MEI1: variants seen among roughly 807,000 people sequenced by gnomAD.
MEI1 encodes meiotic double-stranded break formation protein 1.
Under a neutral mutation model 146.2 loss-of-function variants are expected in MEI1, and 103 were observed. That is an observed-to-expected ratio of 0.70 (90% CI 0.60 to 0.83). The LOEUF (loss-of-function observed/expected upper bound fraction) is 0.83, where lower values mean the gene tolerates loss of function less well. Among genes scored for constraint, MEI1 ranks in the 40% least tolerant of loss-of-function variants. The pLI is 0.00. For missense variants in MEI1, 1,529 were observed against 1,533.0 expected, an observed-to-expected ratio of 1.00 and a Z score of 0.04; for synonymous variants, 652 against 628.2, an observed-to-expected ratio of 1.04 and a Z score of -0.57.
intron 3 of MEI1, among the ~76,000 whole-genome samples, chr22:41,711,372 C>A (rs747495875): frequency 1.3e-5 from 2 of 152,056 alleles, no homozygotes; most frequent in Non-Finnish European, 2.9e-5. Context: ...ACGATTTCAC[C>A]GTGTTAGCCA....
rs1423078006 is a variant in MEI1, at chr22:41,758,402, G to A, written c.1989G>A (p.Leu663=). ...SAVSELLQHG[L]PQISSRSPES... is the part of the protein sequence containing the mutation. ...TGTCTGAGCTCCTGCAGCATGGGCT[G>A]CCCCAGATAAGCAGCAGGAGCCCTG... Residue 663 remains leucine, a synonymous_variant, in exon 18 of 31, where the codon CTG becomes CTA. Transcript: ENST00000401548. 6.2e-7 allele frequency: 1 copy of A among 1,613,834 alleles called. No individual in the cohort carries two copies. Among genetic ancestry groups the A allele is most frequent in the East Asian group, 2.2e-5 (1 of 44,866 alleles).
chr22:41,706,219 A>G (rs533728554), intron 3 of MEI1, among the ~76,000 whole-genome samples: 6 of 151,874 alleles, frequency 4.0e-5, no homozygotes, highest in South Asian at 2.1e-4. Context: ...GGGACTTACC[A>G]TATTGACTAG....
chr22:41,719,218 G>A lies in MEI1; in HGVS notation c.733+944G>A, dbSNP rs186397615. 5.9e-3 allele frequency among the ~76,000 whole-genome samples: 901 copies of A among 152,002 alleles called. 27 individuals are homozygous for A. Among genetic ancestry groups the A allele is most frequent in the Admixed American group, 0.053 (808 of 15,238 alleles). ...AGGATGGTCTCGATCTCCTGACCTC[G>A]TGATCCACCCGCCTTGGCTCCCAAA... On this transcript the variant is annotated intron_variant, in intron 6 of 30. Transcript: ENST00000401548.
intron 5 of MEI1, among the ~76,000 whole-genome samples, chr22:41,716,399 G>A (rs1331588472): frequency 1.9e-5 from 2 of 104,200 alleles, no homozygotes; most frequent in African/African-American, 3.9e-5. Context: ...TTTTTGAGAC[G>A]GAGTCTTGCT....
intron 1 of MEI1, 65 bp from the exon 2 acceptor site, chr22:41,703,266 G>T: frequency 6.5e-7 from 1 of 1,548,854 alleles, no homozygotes; most frequent in South Asian, 1.2e-5. Flanking sequence ...TGGAAATTAC[G>T]GTTGTTGGAT....
At chr22:41,779,048 C>T (rs1298699243) in intron 22 of MEI1, among the ~76,000 whole-genome samples, 1 of 151,934 alleles carries the variant, frequency 6.6e-6, no homozygotes, top group Non-Finnish European at 1.5e-5. Context: ...ATTATGAGGC[C>T]AGGGGGGTGC....
Position 41,795,838 on chromosome 22 carries a change from A to G in MEI1, c.3770A>G (p.Gln1257Arg). ...PSTSSGQPPLQDMLCLGGVAV... is the reference protein window; with the variant it reads ...PSTSSGQPPLRDMLCLGGVAV... ...ACCTCCTCAGGCCAGCCACCCCTGC[A>G]GGACATGCTGTATCCTTTCTTGCAT... The change falls in exon 30 of 31, where the codon CAG becomes CGG. Residue 1257 changes from glutamine to arginine, a missense_variant. Transcript: ENST00000401548. This position sits in a 1 kb window ranked among gnomAD's most constrained non-coding sequence, Gnocchi z 4.2. 6.2e-7 allele frequency: 1 copy of G among 1,613,570 alleles called. No individual in the cohort carries two copies. Among genetic ancestry groups the G allele is most frequent in the East Asian group, 2.2e-5 (1 of 44,806 alleles).
At chr22:41,729,824 G>A (rs2147549917) in intron 8 of MEI1, 45 bp downstream of exon 8, 12 of 1,297,104 alleles carry the variant, frequency 9.3e-6, no homozygotes, top group East Asian at 2.5e-5. Context: ...CTAGAAGGAT[G>A]GGGTGGTGAC....
At chr22:41,726,521 G>A (rs2071371830) in intron 7 of MEI1, among the ~76,000 whole-genome samples, 1 of 152,070 alleles carries the variant, frequency 6.6e-6, no homozygotes, top group Non-Finnish European at 1.5e-5. Context: ...CTTCAAAAAA[G>A]AATATTTATT....
intron 3 of MEI1, among the ~76,000 whole-genome samples, chr22:41,710,237 C>G (rs947992960): frequency 6.6e-6 from 1 of 152,124 alleles, no homozygotes; most frequent in African/African-American, 2.4e-5. Flanking sequence ...AGAGAGGCCT[C>G]AGAAGAAACC....
Position 41,730,598 on chromosome 22 carries a change from G to C in MEI1, c.1057G>C (p.Glu353Gln). Residue 353 changes from glutamate to glutamine, a missense_variant, in exon 9 of 31, where the codon GAA (glutamate) becomes CAA (glutamine). By Grantham distance (29) the Glu-to-Gln change is conservative. Transcript: ENST00000401548. ...CTGTAACTGCTTGACACTCCTGGTA[G>C]AAGAGCCACTCTTTTTTTCCAAGTG... is the stretch of plus-strand genomic sequence containing the variant. ...SSCNCLTLLV[E>Q]EPLFFSKCHT... 1 of 1,613,764 alleles carries C rather than the reference G, an allele frequency of 6.2e-7. No individual in the cohort carries two copies. The highest frequency in any genetic ancestry group is 1.7e-4 in the Middle Eastern group (1 of 6,060).
chr22:41,767,160 C>G (rs954595045), intron 19 of MEI1, among the ~76,000 whole-genome samples: 2 of 152,194 alleles, frequency 1.3e-5, no homozygotes, highest in African/African-American at 4.8e-5. Flanking sequence ...GCTCCCAGGC[C>G]TTTCCTTGGC....
chr22:41,706,592 T>TAGTC (rs2069113078), intron 3 of MEI1, among the ~76,000 whole-genome samples: 1 of 152,040 alleles, frequency 6.6e-6, no homozygotes, highest in South Asian at 2.1e-4. Context: ...AACATGCCTG[T>TAGTC]AGTCCTAGCT....
chr22:41,732,191 T>C (rs2147587173), intron 9 of MEI1, 54 bp from the exon 10 acceptor site: 1 of 1,420,270 alleles, frequency 7.0e-7, no homozygotes. Context: ...GGGTGGGCAG[T>C]GAAGGAACAA....
At chr22:41,700,939 CTTT>C (rs530432136) in intron 1 of MEI1, among the ~76,000 whole-genome samples, 8 of 129,590 alleles carry the variant, frequency 6.2e-5, no homozygotes, top group Non-Finnish European at 1.7e-5. Context: ...TTCTTTCTTT[CTTT>C]TTTTTTTTTT....
At position 41,729,522 on chromosome 22, in the gene MEI1, C is replaced by T. The variant is rs2071670059; in HGVS notation, c.865-143C>T. 1.2e-5 allele frequency: 8 copies of T among 667,692 alleles called. No individual in the cohort carries two copies. In the East Asian group the frequency reaches 2.2e-4, roughly 18 times the overall value. 41.4% of individuals were successfully genotyped at this position (667,692 alleles called of 1,614,324 possible). On this transcript the variant is annotated intron_variant, in intron 7 of 30. Transcript: ENST00000401548. ...CTTCCCATAATCCATAACTGCTCTCCTGACCACCATCCTTGTGCCTGGTGC... is the reference window on the plus strand; with the variant it reads ...CTTCCCATAATCCATAACTGCTCTCTTGACCACCATCCTTGTGCCTGGTGC...
chr22:41,709,877 C>T (rs1020842296), intron 3 of MEI1, among the ~76,000 whole-genome samples: 6 of 151,932 alleles, frequency 3.9e-5, no homozygotes, highest in African/African-American at 1.5e-4. Flanking sequence ...CATTGTGTGA[C>T]CTCTCATGGA....
intron 19 of MEI1, among the ~76,000 whole-genome samples, chr22:41,764,799 A>AT (rs1258807217): frequency 1.3e-5 from 2 of 152,176 alleles, no homozygotes; most frequent in African/African-American, 4.8e-5. Flanking sequence ...GAAGATACCA[A>AT]TACCTTAGAG....
Position 41,699,617 on chromosome 22 carries a change from G to A in MEI1, c.79G>A (p.Ala27Thr), listed in dbSNP as rs1438525823. 6.2e-7 allele frequency: 1 copy of A among 1,611,944 alleles called. No homozygotes were observed. The highest frequency in any genetic ancestry group is 1.1e-5 in the South Asian group (1 of 90,908). ...EEEAALLFER[A>T]HYRHDPRWLL... ...AGAGGCGGCGCTTCTATTCGAGAGG[G>A]CCCATTACCGGCACGACCCGCGCTG... The change falls in exon 1 of 31, where the codon GCC (alanine) becomes ACC (threonine). Residue 27 changes from alanine (A) to threonine (T), a missense_variant. By Grantham distance (58) the Ala-to-Thr change is moderately conservative. Transcript: ENST00000401548.
Sources: allele counts gnomAD v4.1 joint callset (sites outside exome capture counted in the v4.1 genomes callset), GRCh38; gene constraint gnomAD v4.1.1; non-coding constraint Gnocchi (gnomAD v3.1); transcripts MANE v1.5; gene names NCBI Gene and HGNC (gene_info 2026-07-23, HGNC 2026-07-21).